Variants in GCC2 observed in about 807,000 individuals in gnomAD.
GCC2 encodes GRIP and coiled-coil domain containing 2, also known as GRIP and coiled-coil domain-containing protein 2.
A neutral mutation model predicts 210.6 loss-of-function variants in GCC2; 120 were observed. The ratio of observed to expected loss-of-function variants is 0.57; its 90% CI spans 0.49 to 0.66. The LOEUF (loss-of-function observed/expected upper bound fraction) is 0.66. Among genes scored for constraint, GCC2 ranks in the 30% least tolerant of loss-of-function variants. The probability of loss-of-function intolerance (pLI) is 0.00; values close to 1 mark genes in which losing one functional copy is unlikely to be tolerated. For synonymous variants in GCC2, 703 were observed against 652.7 expected (o/e 1.08, Z -1.17); for missense variants, 1,868 against 1,871.9 (o/e 1.00, Z 0.04).
At chr2:108,460,372 T>C (rs1049530441) in intron 4 of GCC2, among the ~76,000 whole-genome samples, 15 of 152,096 alleles carry the variant, frequency 9.9e-5, no homozygotes, top group African/African-American at 3.6e-4. Flanking sequence ...TTATTAATTA[T>C]ATGTGAGCCT....
Position 108,470,341 on chromosome 2 carries a change from G to A in GCC2, c.1012G>A (p.Glu338Lys). ...QVVNEKVKHLEDTLKELESQH... is the reference protein window; with the variant it reads ...QVVNEKVKHLKDTLKELESQH... ...AGTAAATGAAAAAGTCAAACACTTAGAAGATACCTTAAAAGAACTTGAATC... is the reference window on the plus strand; with the variant it reads ...AGTAAATGAAAAAGTCAAACACTTAAAAGATACCTTAAAAGAACTTGAATC... The change falls in exon 6 of 23, where the codon GAA becomes AAA. Residue 338 changes from glutamate (E) to lysine (K), a missense_variant. Coordinates refer to ENST00000309863, the MANE Select transcript of GCC2 (RefSeq NM_181453.4). 1 of 1,607,912 alleles carries A rather than the reference G, an allele frequency of 6.2e-7. No individual in the cohort carries two copies. The highest frequency in any genetic ancestry group is 1.7e-5 in the Admixed American group (1 of 59,454).
At position 108,451,089 on chromosome 2, in the gene GCC2, A is replaced by G. The variant is rs1421334437; in HGVS notation, c.125A>G (p.Gln42Arg). 2 of 1,608,802 alleles carry G rather than the reference A, an allele frequency of 1.2e-6. No individual in the cohort carries two copies. The highest frequency in any genetic ancestry group is 1.7e-6 in the Non-Finnish European group (2 of 1,175,256). The change falls in exon 3 of 23, where the codon CAG (glutamine) becomes CGG (arginine). Residue 42 changes from glutamine (Q) to arginine (R), a missense_variant. Physicochemically the swap from Gln to Arg is conservative, Grantham distance 43. Around this residue, in one of 3 missense-constraint regions of GCC2, gnomAD observed 1,847 missense variants for 1,765.2 expected, o/e 1.05. Transcript: ENST00000309863. Reference protein sequence around the residue: ...KFAKKQMMLIQKAKSRCTELE... With the variant: ...KFAKKQMMLIRKAKSRCTELE... ...GCCAAGAAACAGATGATGCTAATAC[A>G]GAAAGCTAAATCAAGGTGTACAGGT...
At chr2:108,455,091 C>T (rs903551767) in intron 4 of GCC2, among the ~76,000 whole-genome samples, 2 of 152,048 alleles carry the variant, frequency 1.3e-5, no homozygotes, top group African/African-American at 2.4e-5. Context: ...GCTGTTTCCT[C>T]CTTATCACTC....
In GCC2 at chr2:108,486,647, AG is replaced by A; in HGVS notation, c.3930+1del. The A allele has an allele frequency of 6.2e-7, 1 of 1,610,316 alleles. No homozygotes were observed. The highest frequency in any genetic ancestry group is 2.2e-5 in the East Asian group (1 of 44,846). ...TALQEECRAAKAEQATVTSEF... is the reference protein window; with the variant it reads ...TALQEECRAAXAEQATVTSEF... Reference sequence around the variant, plus strand: ...CTACAGGAAGAGTGCCGTGCTGCCAAGGTGCGTTCTTCAGGGCAGCCACAGC... The same window carrying A: ...CTACAGGAAGAGTGCCGTGCTGCCAAGTGCGTTCTTCAGGGCAGCCACAGC... On this transcript the variant is annotated frameshift_variant and splice_region_variant, in exon 16 of 23. Coordinates refer to ENST00000309863, the MANE Select transcript of GCC2 (RefSeq NM_181453.4). LOFTEE classifies it high-confidence loss of function.
chr2:108,475,880 A>AT, intron 9 of GCC2, 30 bp downstream of exon 9: 1 of 1,208,240 alleles, frequency 8.3e-7, no homozygotes, highest in Non-Finnish European at 1.2e-6. Flanking sequence ...ATAACAAGTT[A>AT]TAAAAGTTGT....
rs1036704795 is a variant in GCC2, at chr2:108,451,093, A to C, written c.129A>C (p.Lys43Asn). ...AGAAACAGATGATGCTAATACAGAA[A>C]GCTAAATCAAGGTGTACAGGTATTG... ...FAKKQMMLIQ[K>N]AKSRCTELEK... Residue 43 changes from lysine (K) to asparagine (N), a missense_variant, in exon 3 of 23, where the codon AAA becomes AAC. Around this residue, in one of 3 missense-constraint regions of GCC2, gnomAD observed 1,847 missense variants for 1,765.2 expected, o/e 1.05. Coordinates refer to ENST00000309863, the MANE Select transcript of GCC2 (RefSeq NM_181453.4). The C allele has an allele frequency of 6.8e-6, 11 of 1,606,284 alleles. No homozygotes were observed. The highest frequency in any genetic ancestry group is 6.7e-5 in the African/African-American group (5 of 74,790).
rs534975075 is a variant in GCC2, at chr2:108,508,619, A to G, written c.*989A>G. The G allele has an allele frequency of 2.0e-5, 3 of 151,840 alleles. No homozygotes were observed. The South Asian group carries it at 6.3e-4, about 32-fold the overall frequency. 9.4% of individuals were successfully genotyped at this position (151,840 alleles called of 1,614,324 possible). A position where few individuals can be genotyped will look rare whatever the true frequency, so the allele number is the denominator to read the frequency against. ...ATCACTCAGCATTGGATCTAAATAT[A>G]AAAGTGGTGCTTTCAGTGTTTTTGG... On this transcript the variant is annotated 3_prime_UTR_variant, in exon 23 of 23. Coordinates refer to ENST00000309863, the MANE Select transcript of GCC2 (RefSeq NM_181453.4).
At chr2:108,487,405 G>T (rs1180794382) in intron 16 of GCC2, among the ~76,000 whole-genome samples, 2 of 152,124 alleles carry the variant, frequency 1.3e-5, no homozygotes, top group Non-Finnish European at 2.9e-5. Context: ...AATGTTGGAG[G>T]CAATGGATAT....
chr2:108,458,464 A>G (rs1267331777), intron 4 of GCC2, among the ~76,000 whole-genome samples: 2 of 141,774 alleles, frequency 1.4e-5, no homozygotes, highest in Admixed American at 7.3e-5. Context: ...GAAAATTGCC[A>G]CCTCTTCAGT....
chr2:108,472,713 C>T (rs1450975054), intron 6 of GCC2, 114 bp from the exon 7 acceptor site: 2 of 662,618 alleles, frequency 3.0e-6, no homozygotes, highest in Non-Finnish European at 5.1e-6. Flanking sequence ...TGTAGGAATT[C>T]TCTTTGATAG....
At chr2:108,458,724 A>G (rs1680398443) in intron 4 of GCC2, among the ~76,000 whole-genome samples, 1 of 152,000 alleles carries the variant, frequency 6.6e-6, no homozygotes, top group East Asian at 1.9e-4. Flanking sequence ...GCTGTTCATA[A>G]TATTCTCTGA....
intron 9 of GCC2, among the ~76,000 whole-genome samples, chr2:108,478,900 T>C (rs1028479122): frequency 2.0e-5 from 3 of 152,196 alleles, no homozygotes; most frequent in Non-Finnish European, 2.9e-5. Context: ...TGTATGCATG[T>C]GTGCCAAGAA....
intron 7 of GCC2, chr2:108,474,864 G>GTA (rs1345444872): frequency 1.3e-5 from 2 of 152,226 alleles, no homozygotes; most frequent in Admixed American, 6.5e-5. Flanking sequence ...TGCTTGAGTA[G>GTA]GTAATGAGAC....
At chr2:108,504,327 G>A (rs1339585528) in intron 22 of GCC2, among the ~76,000 whole-genome samples, 4 of 152,106 alleles carry the variant, frequency 2.6e-5, no homozygotes, top group African/African-American at 7.2e-5. Context: ...GGGTTTGGGT[G>A]TATTTGGGAA....
Position 108,470,798 on chromosome 2 carries a change from TACAA to T in GCC2, c.1473_1476del (p.Thr492AsnfsTer9). The T allele has an allele frequency of 6.2e-7, 1 of 1,613,764 alleles. No homozygotes were observed. The highest frequency in any genetic ancestry group is 8.5e-7 in the Non-Finnish European group (1 of 1,179,856). ...AGTTTACGAGAGATTATGGAAATTT[TACAA>T]ACAGAACTGGGGGAATCTGCTGGAA... On this transcript the variant is annotated frameshift_variant, in exon 6 of 23. Coordinates refer to ENST00000309863, the MANE Select transcript of GCC2 (RefSeq NM_181453.4). LOFTEE classifies it high-confidence loss of function.
intron 9 of GCC2, among the ~76,000 whole-genome samples, chr2:108,476,786 A>G (rs755712623): frequency 6.6e-6 from 1 of 152,188 alleles, no homozygotes; most frequent in East Asian, 1.9e-4. Context: ...CTGAGTTCCT[A>G]TCCTCTTAGG....
chr2:108,505,708 C>T lies in GCC2; in HGVS notation c.4985-1852C>T, dbSNP rs372953228. Among the ~76,000 whole-genome samples the T allele has an allele frequency of 5.7e-4, 87 of 151,804 alleles. No homozygotes were observed. The East Asian group carries it at 0.014, about 24-fold the overall frequency. ...TCTCCAGTCCAGCCTTCAGATGAGACCCCAGCCATGCCAACATCTTGATTG... is the reference window on the plus strand; with the variant it reads ...TCTCCAGTCCAGCCTTCAGATGAGATCCCAGCCATGCCAACATCTTGATTG... On this transcript the variant is annotated intron_variant, in intron 22 of 22. Coordinates refer to ENST00000309863, the MANE Select transcript of GCC2 (RefSeq NM_181453.4).
At chr2:108,487,894 A>ATTT in intron 17 of GCC2, 74 bp downstream of exon 17, 2 of 973,630 alleles carry the variant, frequency 2.1e-6, no homozygotes, top group Non-Finnish European at 3.0e-6. Context: ...TGAAAATCCT[A>ATTT]TTATGATTTT....
At chr2:108,506,211 C>T (rs1203617864) in intron 22 of GCC2, among the ~76,000 whole-genome samples, 13 of 152,134 alleles carry the variant, frequency 8.5e-5, no homozygotes, top group Non-Finnish European at 1.6e-4. Flanking sequence ...TTGCTAAAAA[C>T]GAGGAAGATC....
Sources: allele counts gnomAD v4.1 joint callset (sites outside exome capture counted in the v4.1 genomes callset), GRCh38; gene constraint gnomAD v4.1.1; regional missense constraint gnomAD v4.1.1; transcripts MANE v1.5; gene names NCBI Gene and HGNC (gene_info 2026-07-23, HGNC 2026-07-21).